FUT8: variants seen among roughly 807,000 people sequenced by gnomAD.
FUT8 encodes fucosyltransferase 8, also known as alpha-(1,6)-fucosyltransferase.
A neutral mutation model predicts 71.3 loss-of-function variants in FUT8; 29 were observed. The ratio of observed to expected loss-of-function variants is 0.41; its 90% CI spans 0.30 to 0.55. The LOEUF (loss-of-function observed/expected upper bound fraction) is 0.55. FUT8 is among the 20% of genes least tolerant of loss of function. The pLI is 0.34. For synonymous variants in FUT8, 254 were observed against 239.3 expected (o/e 1.06, Z -0.57); for missense variants, 544 against 702.1 (o/e 0.77, Z 2.55).
chr14:65,408,939 C>T (rs1185710603), upstream of FUT8, among the ~76,000 whole-genome samples: 1 of 152,178 alleles, frequency 6.6e-6, no homozygotes, highest in Non-Finnish European at 1.5e-5. Flanking sequence ...CAACATTCTG[C>T]GACCTTGTCT....
intron 7 of FUT8, among the ~76,000 whole-genome samples, chr14:65,692,515 C>G (rs1197418690): frequency 5.1e-5 from 7 of 137,456 alleles, no homozygotes; most frequent in Admixed American, 7.0e-5. Context: ...CTGACCCCCC[C>G]CCCACCTCCC....
Position 65,412,755 on chromosome 14 carries a change from C to T in FUT8, c.-785C>T, listed in dbSNP as rs1046156851. ...ATTCGCGCGCGCACGCCGGCGCTGG[C>T]CGAGGCTTCCCCGCCTGCGCTCGTT... On this transcript the variant is annotated 5_prime_UTR_variant, in exon 1 of 11. Coordinates refer to ENST00000673929, the MANE Select transcript of FUT8 (RefSeq NM_001371533.1). The T allele has an allele frequency of 1.7e-5, 3 of 171,936 alleles. No homozygotes were observed. The highest frequency in any genetic ancestry group is 6.4e-5 in the Admixed American group (1 of 15,728). The allele number at this position is 171,936 out of a possible 1,614,324, so 10.7% of individuals were successfully genotyped here. A position where few individuals can be genotyped will look rare whatever the true frequency, so the allele number is the denominator to read the frequency against.
intron 7 of FUT8, among the ~76,000 whole-genome samples, chr14:65,701,774 T>C (rs1894306387): frequency 6.6e-6 from 1 of 152,176 alleles, no homozygotes. Context: ...AATTCCTAGA[T>C]CTAGTACACA....
At chr14:65,726,306 A>C (rs1359532433) in intron 9 of FUT8, among the ~76,000 whole-genome samples, 1 of 152,242 alleles carries the variant, frequency 6.6e-6, no homozygotes, top group African/African-American at 2.4e-5. Flanking sequence ...CTCACTTAAA[A>C]ATATGCAAGT....
In FUT8 at chr14:65,615,959, T is replaced by C. The variant is rs1284158835; in HGVS notation, c.204-19T>C. ...CAGTTTGAAAGCTAAATGTTTACATTATCTTCCCTAAACTACAGGATACCA... is the reference window on the plus strand; with the variant it reads ...CAGTTTGAAAGCTAAATGTTTACATCATCTTCCCTAAACTACAGGATACCA... On this transcript the variant is annotated intron_variant, in intron 3 of 10. Coordinates refer to ENST00000673929, the MANE Select transcript of FUT8 (RefSeq NM_001371533.1). The C allele has an allele frequency of 3.9e-6, 6 of 1,543,178 alleles. No individual in the cohort carries two copies. In the African/African-American group the frequency reaches 8.3e-5, roughly 21 times the overall value.
the FUT8 span, among the ~76,000 whole-genome samples, chr14:65,377,396 TA>T: frequency 6.6e-6 from 1 of 152,212 alleles, no homozygotes; most frequent in African/African-American, 2.4e-5. Flanking sequence ...TGCCTGGTGG[TA>T]AAAATAAAAA....
chr14:65,506,916 T>C (rs577563312), intron 2 of FUT8, among the ~76,000 whole-genome samples: 3 of 152,226 alleles, frequency 2.0e-5, no homozygotes, highest in East Asian at 1.9e-4. Context: ...TAAAGTACAC[T>C]GACACACAGA....
rs1267749496 is a variant in FUT8 at position 65,643,944 on chromosome 14, T to C, written c.597+14338T>C. On this transcript the variant is annotated intron_variant, in intron 6 of 10. Coordinates refer to ENST00000673929, the MANE Select transcript of FUT8 (RefSeq NM_001371533.1). The surrounding 1 kb of genome is among the most constrained non-coding windows in gnomAD (Gnocchi z 4.5). ...TTTTTCAAGAAATGGCAGGTTTCGC[T>C]ATAGTTCGACTCTGATCTAAGTCAC... 6.6e-6 allele frequency among the ~76,000 whole-genome samples: 1 copy of C among 152,140 alleles called. No individual in the cohort carries two copies. The highest frequency in any genetic ancestry group is 1.5e-5 in the Non-Finnish European group (1 of 68,030).
At chr14:65,461,051 C>T (rs2065962148) in intron 2 of FUT8, among the ~76,000 whole-genome samples, 1 of 152,152 alleles carries the variant, frequency 6.6e-6, no homozygotes, top group African/African-American at 2.4e-5. Flanking sequence ...GCACTGTAAA[C>T]TGGGTGGCTT....
intron 9 of FUT8, among the ~76,000 whole-genome samples, chr14:65,729,449 G>C (rs372360665): frequency 2.0e-5 from 3 of 151,598 alleles, no homozygotes; most frequent in African/African-American, 7.3e-5. Flanking sequence ...ATGCTATGAC[G>C]TATGCCTAAA....
chr14:65,505,579 TG>T (rs2066718703), intron 2 of FUT8, among the ~76,000 whole-genome samples: 1 of 152,152 alleles, frequency 6.6e-6, no homozygotes, highest in Admixed American at 6.6e-5. Flanking sequence ...CCCAAAGTGC[TG>T]GGATTACAGG....
chr14:65,373,711 C>T, the FUT8 span, among the ~76,000 whole-genome samples: 1 of 152,154 alleles, frequency 6.6e-6, no homozygotes, highest in Non-Finnish European at 1.5e-5. Flanking sequence ...GTATGGGATC[C>T]CAATTTTTCA....
chr14:65,483,548 G>A lies in FUT8; in HGVS notation c.-228+27830G>A, dbSNP rs2066363260. ...TTTGAGGGACAGTTGACATCTTAACGATATCAAGTCTTCTGACTCATGAAT... is the reference window on the plus strand; with the variant it reads ...TTTGAGGGACAGTTGACATCTTAACAATATCAAGTCTTCTGACTCATGAAT... On this transcript the variant is annotated intron_variant, in intron 2 of 10. Transcript: ENST00000673929. This position sits in a 1 kb window ranked among gnomAD's most constrained non-coding sequence, Gnocchi z 4.4. Among the ~76,000 whole-genome samples, 3 of 152,112 alleles carry A rather than the reference G, an allele frequency of 2.0e-5. No individual in the cohort carries two copies. Among genetic ancestry groups the A allele is most frequent in the South Asian group, 2.1e-4 (1 of 4,828 alleles).
At chr14:65,738,424 T>A (rs1173437675) in intron 10 of FUT8, among the ~76,000 whole-genome samples, 2 of 151,920 alleles carry the variant, frequency 1.3e-5, no homozygotes, top group Non-Finnish European at 2.9e-5. Context: ...CTTTTTAAAA[T>A]TTTTTTTAAT....
chr14:65,741,519 A>G lies in FUT8; in HGVS notation c.1411-574A>G, dbSNP rs571656259. On this transcript the variant is annotated intron_variant, in intron 10 of 10. Transcript: ENST00000673929. ...CAACATGGCACATGTATACATATGT[A>G]ACTAACCTGCACGTTGTGCACGTGT... 1.2e-4 allele frequency among the ~76,000 whole-genome samples: 18 copies of G among 152,172 alleles called. 1 individual carries two copies. In the South Asian group the frequency reaches 3.7e-3, roughly 31 times the overall value.
Position 65,595,257 on chromosome 14 carries a change from A to G in FUT8, c.204-20721A>G, listed in dbSNP as rs8007213. On this transcript the variant is annotated intron_variant, in intron 3 of 10. Transcript: ENST00000673929. The stretch of plus-strand genomic sequence containing the variant: ...CTGAAAGTGTCTGGATATGGTTAAT[A>G]TGAGAGGATGTAATAATCAGAATGC... 4.5e-3 allele frequency among the ~76,000 whole-genome samples: 679 copies of G among 152,338 alleles called. 5 individuals are homozygous for G. Among genetic ancestry groups the G allele is most frequent in the Non-Finnish European group, 4.3e-3 (293 of 68,020 alleles).
chr14:65,604,609 G>A (rs1310489116), intron 3 of FUT8, among the ~76,000 whole-genome samples: 1 of 151,886 alleles, frequency 6.6e-6, no homozygotes, highest in Non-Finnish European at 1.5e-5. Context: ...GCAGTGCAAA[G>A]AGGAAAGTTC....
chr14:65,525,206 G>A (rs894977479), intron 2 of FUT8, among the ~76,000 whole-genome samples: 18 of 133,024 alleles, frequency 1.4e-4, no homozygotes, highest in Middle Eastern at 3.9e-3. Flanking sequence ...ACTTTTTTTG[G>A]TTGGTAGGCT....
At chr14:65,381,368 T>C in the FUT8 span, among the ~76,000 whole-genome samples, 1 of 152,214 alleles carries the variant, frequency 6.6e-6, no homozygotes. Flanking sequence ...AAAGGGCCAT[T>C]AATTAGTAAT....
Sources: allele counts gnomAD v4.1 joint callset (sites outside exome capture counted in the v4.1 genomes callset), GRCh38; gene constraint gnomAD v4.1.1; non-coding constraint Gnocchi (gnomAD v3.1); transcripts MANE v1.5; gene names NCBI Gene and HGNC (gene_info 2026-07-23, HGNC 2026-07-21).